Variants in LRRC37A2 observed in about 807,000 individuals in gnomAD.
LRRC37A2 encodes leucine-rich repeat-containing protein 37A2.
Under a neutral mutation model 68.8 loss-of-function variants are expected in LRRC37A2, and 9 were observed. The ratio of observed to expected loss-of-function variants is 0.13; its 90% confidence interval spans 0.08 to 0.23. The LOEUF (loss-of-function observed/expected upper bound fraction) is 0.23, where lower values mean the gene tolerates loss of function less well. Among genes scored for constraint, LRRC37A2 ranks in the 10% least tolerant of loss-of-function variants. The pLI is 1.00. For synonymous variants in LRRC37A2, 63 were observed against 367.6 expected (o/e 0.17, Z 9.48); for missense variants, 168 against 950.4 (o/e 0.18, Z 10.82).
At chr17:47,024,666 T>A in the LRRC37A2 span, 4 of 924,024 alleles carry the variant, frequency 4.3e-6, no homozygotes, top group South Asian at 5.2e-5. Flanking sequence ...AGAAATAACT[T>A]CTTCATTTTC....
At chr17:47,007,268 C>G in the LRRC37A2 span, among the ~76,000 whole-genome samples, 1 of 152,160 alleles carries the variant, frequency 6.6e-6, no homozygotes, top group Non-Finnish European at 1.5e-5. Context: ...ACCTCCGCCT[C>G]CTGGGTTCAA....
the LRRC37A2 span, among the ~76,000 whole-genome samples, chr17:46,499,333 AAAGGTG>A: frequency 1.6e-5 from 2 of 121,390 alleles, no homozygotes; most frequent in Admixed American, 1.7e-4. Flanking sequence ...AAAAAAAAAA[AAAGGTG>A]GGGGGACAAT....
the LRRC37A2 span, among the ~76,000 whole-genome samples, chr17:46,912,663 T>C: frequency 6.6e-6 from 1 of 152,178 alleles, no homozygotes; most frequent in East Asian, 1.9e-4. Context: ...CTCAGCTCAT[T>C]GCAGCCTCTG....
the LRRC37A2 span, among the ~76,000 whole-genome samples, chr17:46,771,027 C>T: frequency 3.9e-5 from 6 of 152,222 alleles, no homozygotes; most frequent in African/African-American, 1.4e-4. Context: ...TAAATGTGAC[C>T]AAATTTATTT....
the LRRC37A2 span, among the ~76,000 whole-genome samples, chr17:46,976,406 G>A: frequency 1.3e-5 from 2 of 151,660 alleles, no homozygotes; most frequent in Admixed American, 1.3e-4. Context: ...AATTAGCCAG[G>A]CATGGTGGCG....
the LRRC37A2 span, among the ~76,000 whole-genome samples, chr17:46,438,038 CCT>C: frequency 1.2e-5 from 1 of 85,398 alleles, no homozygotes; most frequent in Non-Finnish European, 2.8e-5. Flanking sequence ...ACTTTGGCTT[CCT>C]CTGTGACTAC....
At chr17:47,000,163 T>C in the LRRC37A2 span, among the ~76,000 whole-genome samples, 1 of 148,670 alleles carries the variant, frequency 6.7e-6, no homozygotes, top group African/African-American at 2.5e-5. Context: ...GCTGGCTCCC[T>C]GCACAGAGTG....
the LRRC37A2 span, among the ~76,000 whole-genome samples, chr17:46,994,800 T>TGATGGGTTAGC: frequency 7.2e-6 from 1 of 139,010 alleles, no homozygotes; most frequent in African/African-American, 2.7e-5. Flanking sequence ...CCTGGGTTAA[T>TGATGGGTTAGC]GCTGGGTTAG....
chr17:46,952,538 G>A, the LRRC37A2 span: 1 of 152,164 alleles, frequency 6.6e-6, no homozygotes, highest in Non-Finnish European at 1.5e-5. Context: ...TGGTCAATAA[G>A]ATATGGGCAG....
At chr17:46,941,602 C>T in the LRRC37A2 span, 10 of 212,638 alleles carry the variant, frequency 4.7e-5, no homozygotes, top group Non-Finnish European at 5.7e-5. Context: ...TTGAGACAGT[C>T]TCGCTCTGTC....
At position 46,542,122 on chromosome 17, in the gene LRRC37A2, T is replaced by TC. The variant is rs1174737911; in HGVS notation, c.3053+1242dup. ...ACCTGGGCGACAGAGTGGGACTCTG[T>TC]CTAAAAAAAAAAGTAAGAAATAAAA... On this transcript the variant is annotated intron_variant, in intron 8 of 14. Coordinates refer to ENST00000576629, the Ensembl canonical transcript of LRRC37A2. 1.6e-4 allele frequency among the ~76,000 whole-genome samples: 22 copies of TC among 140,354 alleles called. 1 individual carries two copies. The East Asian group carries it at 4.2e-3, about 26-fold the overall frequency. 92.1% of individuals were successfully genotyped at this position (140,354 alleles called of 152,430 possible). A position where few individuals can be genotyped will look rare whatever the true frequency, so the allele number is the denominator to read the frequency against.
At chr17:46,787,140 A>G in the LRRC37A2 span, among the ~76,000 whole-genome samples, 2 of 152,144 alleles carry the variant, frequency 1.3e-5, no homozygotes, top group Non-Finnish European at 2.9e-5. Context: ...AAGTCCTGCT[A>G]TATTGCCCAG....
At chr17:46,894,907 C>G in the LRRC37A2 span, among the ~76,000 whole-genome samples, 3 of 152,368 alleles carry the variant, frequency 2.0e-5, no homozygotes, top group Non-Finnish European at 2.9e-5. Flanking sequence ...CCGGGCCATG[C>G]AAGCCGGAAT....
At chr17:46,868,449 A>C in the LRRC37A2 span, among the ~76,000 whole-genome samples, 1 of 151,580 alleles carries the variant, frequency 6.6e-6, no homozygotes, top group Non-Finnish European at 1.5e-5. Flanking sequence ...CAAAAAAAAT[A>C]GCTGGGCGTG....
At chr17:46,815,699 ACT>A in the LRRC37A2 span, among the ~76,000 whole-genome samples, 1 of 151,870 alleles carries the variant, frequency 6.6e-6, no homozygotes. Flanking sequence ...AGGGCCAGTG[ACT>A]CTAGTGCCTG....
the LRRC37A2 span, among the ~76,000 whole-genome samples, chr17:47,032,914 TTTGA>T: frequency 1.3e-5 from 2 of 152,118 alleles, no homozygotes; most frequent in African/African-American, 2.4e-5. Flanking sequence ...TTCTCAGGAC[TTTGA>T]TTAAGATACA....
the LRRC37A2 span, among the ~76,000 whole-genome samples, chr17:46,815,920 C>T: frequency 6.6e-6 from 1 of 152,162 alleles, no homozygotes; most frequent in Non-Finnish European, 1.5e-5. Flanking sequence ...TTCACAGCCA[C>T]ACAGCCCTGG....
the LRRC37A2 span, among the ~76,000 whole-genome samples, chr17:46,813,194 G>A: frequency 1.1e-4 from 16 of 152,014 alleles, no homozygotes; most frequent in East Asian, 2.9e-3. Flanking sequence ...AGAGTGTCAT[G>A]CTTCACAGCA....
chr17:46,502,727 G>GT, the LRRC37A2 span, among the ~76,000 whole-genome samples: 3 of 151,222 alleles, frequency 2.0e-5, no homozygotes, highest in Non-Finnish European at 1.5e-5. Flanking sequence ...AGGGTTTTTT[G>GT]TTTTTGTTTT....
Sources: allele counts gnomAD v4.1 joint callset (sites outside exome capture counted in the v4.1 genomes callset), GRCh38; gene constraint gnomAD v4.1.1; transcripts MANE v1.5; gene names NCBI Gene and HGNC (gene_info 2026-07-23, HGNC 2026-07-21).